The following PDE6C variants were observed in gnomAD, a reference collection of about 807,000 sequenced individuals.
The protein encoded by PDE6C is cone cGMP-specific 3',5'-cyclic phosphodiesterase subunit alpha'.
Under a neutral mutation model 113.1 loss-of-function variants are expected in PDE6C, and 75 were observed. The observed-to-expected ratio is 0.66, with a 90% confidence interval of 0.55 to 0.80. PDE6C has a LOEUF of 0.80. PDE6C is among the 30% of genes least tolerant of loss of function. PDE6C has a pLI of 0.00. For missense variants in PDE6C, 912 were observed against 1,038.6 expected (o/e 0.88, Z 1.67); for synonymous variants, 375 against 363.7 (o/e 1.03, Z -0.35).
chr10:93,637,021 T>A lies in PDE6C; in HGVS notation c.1440T>A (p.Asp480Glu), dbSNP rs1055909971. Residue 480 changes from aspartate (D) to glutamate (E), a missense_variant, in exon 11 of 22, where the codon GAT becomes GAA. Physicochemically the swap from Asp to Glu is conservative, Grantham distance 45. Coordinates refer to ENST00000371447, the MANE Select transcript of PDE6C (RefSeq NM_006204.4). ...AATTTCAAGAGAAGTTAAATGTTGA[T>A]GTAATTGACGACTGTGAAGAAAAAC... ...ILKFQEKLNVDVIDDCEEKQL... is the reference protein window; with the variant it reads ...ILKFQEKLNVEVIDDCEEKQL... 11 of 1,603,200 alleles carry A rather than the reference T, an allele frequency of 6.9e-6. No homozygotes were observed. Among genetic ancestry groups the A allele is most frequent in the South Asian group, 1.1e-5 (1 of 90,806 alleles).
Position 93,632,392 on chromosome 10 carries a change from G to A in PDE6C, c.1120-2366G>A, listed in dbSNP as rs12217346. 3.3e-5 allele frequency among the ~76,000 whole-genome samples: 5 copies of A among 152,266 alleles called. No individual in the cohort carries two copies. In the East Asian group the frequency reaches 7.7e-4, roughly 24 times the overall value. ...AGGGTTCCTCGAAGTGGACTAAGGG[G>A]TCTTCCTTTAACGTCAATTAAAGTG... is the stretch of plus-strand genomic sequence containing the variant. On this transcript the variant is annotated intron_variant, in intron 8 of 21. Transcript: ENST00000371447.
rs1245195235 is a variant in PDE6C, at chr10:93,659,112, T to C, written c.2153T>C (p.Met718Thr). The change falls in exon 18 of 22, where the codon ATG (methionine) becomes ACG (threonine). Residue 718 changes from methionine (M) to threonine (T), a missense_variant. Transcript: ENST00000371447. ...PTKKEIIMAMMMTACDLSAIT... is the reference protein window; with the variant it reads ...PTKKEIIMAMTMTACDLSAIT... ...TTTGTTTTCTTCCTAAGGGCAATGATGATGACGGCATGTGACTTGTCTGCT... is the reference window on the plus strand; with the variant it reads ...TTTGTTTTCTTCCTAAGGGCAATGACGATGACGGCATGTGACTTGTCTGCT... The C allele has an allele frequency of 6.2e-7, 1 of 1,610,932 alleles. No homozygotes were observed. Among genetic ancestry groups the C allele is most frequent in the Non-Finnish European group, 8.5e-7 (1 of 1,178,810 alleles).
At chr10:93,635,683 AC>A in intron 10 of PDE6C, 43 bp downstream of exon 10, 1 of 1,596,252 alleles carries the variant, frequency 6.3e-7, no homozygotes, top group Non-Finnish European at 8.6e-7. Flanking sequence ...ATGTTACCTA[AC>A]CACATATTCT....
intron 15 of PDE6C, among the ~76,000 whole-genome samples, chr10:93,652,914 G>T (rs1267618158): frequency 6.6e-6 from 1 of 152,134 alleles, no homozygotes; most frequent in African/African-American, 2.4e-5. Context: ...AGTCTGATTT[G>T]CTTCTTTAAA....
chr10:93,645,914 G>A, intron 14 of PDE6C, 46 bp from the exon 15 acceptor site: 1 of 1,130,602 alleles, frequency 8.8e-7, no homozygotes, highest in Non-Finnish European at 1.4e-6. Flanking sequence ...GAACCTATGT[G>A]TAATTTTTAA....
At chr10:93,635,460 A>T in intron 9 of PDE6C, 37 bp from the exon 10 acceptor site, 2 of 1,589,962 alleles carry the variant, frequency 1.3e-6, no homozygotes, top group Non-Finnish European at 1.7e-6. Flanking sequence ...TTTTTCTTTC[A>T]CTGAAGAGAA....
intron 8 of PDE6C, among the ~76,000 whole-genome samples, chr10:93,633,175 G>T (rs996775153): frequency 6.6e-6 from 1 of 152,158 alleles, no homozygotes; most frequent in Non-Finnish European, 1.5e-5. Flanking sequence ...TATTGAAGAT[G>T]CATGCCCAGG....
At chr10:93,661,849 G>A (rs537051130) in intron 18 of PDE6C, among the ~76,000 whole-genome samples, 1 of 152,280 alleles carries the variant, frequency 6.6e-6, no homozygotes, top group South Asian at 2.1e-4. Context: ...CCTAGAATAA[G>A]CCTAGAACAC....
chr10:93,624,386 G>T (rs906037412), intron 4 of PDE6C, among the ~76,000 whole-genome samples: 8 of 151,974 alleles, frequency 5.3e-5, no homozygotes, highest in Non-Finnish European at 1.0e-4. Context: ...TTATAGGCCT[G>T]TACCACCACG....
Position 93,622,639 on chromosome 10 carries a change from G to GTTTTTTTTTTTTTTTTTTTTTTTTT in PDE6C, c.864+577_864+578insTTTTTTTTTTTTTTTTTTTTTTTTT, listed in dbSNP as rs67350128. Among the ~76,000 whole-genome samples, 5 of 113,992 alleles carry GTTTTTTTTTTTTTTTTTTTTTTTTT rather than the reference G, an allele frequency of 4.4e-5. 1 individual carries two copies. The highest frequency in any genetic ancestry group is 1.9e-4 in the African/African-American group (5 of 26,728). The allele number at this position is 113,992 out of a possible 152,430, so 74.8% of individuals were successfully genotyped here. A position where few individuals can be genotyped will look rare whatever the true frequency, so the allele number is the denominator to read the frequency against. On this transcript the variant is annotated intron_variant, in intron 4 of 21. Coordinates refer to ENST00000371447, the MANE Select transcript of PDE6C (RefSeq NM_006204.4). Reference sequence around the variant, plus strand: ...CCTTCCAAACTCCTGGTAGCCACAGGTTTTTTTTTTGTTTTTTTTTTTGTT... The same window carrying GTTTTTTTTTTTTTTTTTTTTTTTTT: ...CCTTCCAAACTCCTGGTAGCCACAGGTTTTTTTTTTTTTTTTTTTTTTTTTTTTTTTTTTTGTTTTTTTTTTTGTT...
intron 15 of PDE6C, among the ~76,000 whole-genome samples, chr10:93,647,276 C>T (rs539643063): frequency 1.1e-4 from 16 of 152,184 alleles, no homozygotes; most frequent in African/African-American, 2.9e-4. Context: ...GATACATGAG[C>T]CCTCTGGAGA....
intron 7 of PDE6C, among the ~76,000 whole-genome samples, chr10:93,628,712 A>G (rs1035311175): frequency 1.3e-5 from 2 of 152,204 alleles, no homozygotes; most frequent in African/African-American, 4.8e-5. Context: ...AATGACCCAA[A>G]GTTGAGTGAT....
chr10:93,637,768 T>C (rs1230229713), intron 11 of PDE6C, among the ~76,000 whole-genome samples: 1 of 152,236 alleles, frequency 6.6e-6, no homozygotes, highest in Admixed American at 6.5e-5. Flanking sequence ...CCCATCTTAA[T>C]ACCAGAATCA....
chr10:93,665,333 T>C, intron 21 of PDE6C, 27 bp from the exon 22 acceptor site: 2 of 1,564,728 alleles, frequency 1.3e-6, no homozygotes, highest in Non-Finnish European at 1.8e-6. Context: ...TAACTCCTAA[T>C]AATATTGCTT....
At chr10:93,615,674 G>A (rs2058416675) in intron 1 of PDE6C, among the ~76,000 whole-genome samples, 2 of 152,150 alleles carry the variant, frequency 1.3e-5, no homozygotes, top group Non-Finnish European at 2.9e-5. Flanking sequence ...GAGCCACTGC[G>A]CCCGGCCCAG....
At chr10:93,618,706 AG>A (rs2058431547) in intron 1 of PDE6C, among the ~76,000 whole-genome samples, 1 of 152,206 alleles carries the variant, frequency 6.6e-6, no homozygotes, top group South Asian at 2.1e-4. Context: ...CCACTGTAGG[AG>A]ATTAGGATTC....
chr10:93,638,234 A>G (rs2058543230), intron 11 of PDE6C, among the ~76,000 whole-genome samples: 1 of 141,566 alleles, frequency 7.1e-6, no homozygotes, highest in South Asian at 2.2e-4. Context: ...CACATCGACT[A>G]TCTCACCTTC....
In PDE6C at chr10:93,629,276, G is replaced by A. The variant is rs1311830766; in HGVS notation, c.1090G>A (p.Ala364Thr). ...ENGFICNMMN[A>T]PADEYFTFQK... ...CTTCCAGATCTGTAACATGATGAAT[G>A]CCCCTGCGGATGAATACTTCACATT... The change falls in exon 8 of 22, where the codon GCC becomes ACC. Residue 364 changes from alanine (A) to threonine (T), a missense_variant. By Grantham distance (58) the Ala-to-Thr change is moderately conservative. Coordinates refer to ENST00000371447, the MANE Select transcript of PDE6C (RefSeq NM_006204.4). The A allele has an allele frequency of 6.2e-7, 1 of 1,611,784 alleles. No individual in the cohort carries two copies. The highest frequency in any genetic ancestry group is 1.1e-5 in the South Asian group (1 of 91,030).
chr10:93,651,156 A>G (rs538509726), intron 15 of PDE6C, among the ~76,000 whole-genome samples: 1 of 152,264 alleles, frequency 6.6e-6, no homozygotes, highest in Admixed American at 6.5e-5. Context: ...AAAATTACTC[A>G]TCCCTGAGTG....
Sources: allele counts gnomAD v4.1 joint callset (sites outside exome capture counted in the v4.1 genomes callset), GRCh38; gene constraint gnomAD v4.1.1; transcripts MANE v1.5; gene names NCBI Gene and HGNC (gene_info 2026-07-23, HGNC 2026-07-21).